The following PSORS1C1 variants were observed in gnomAD, a reference collection of about 807,000 sequenced individuals.
The protein encoded by PSORS1C1 is psoriasis susceptibility 1 candidate gene 1 protein.
PSORS1C1 carries 7 observed loss-of-function variants against 9.4 expected under a neutral mutation model. The ratio of observed to expected loss-of-function variants is 0.75; its 90% confidence interval spans 0.42 to 1.40. PSORS1C1 has a LOEUF of 1.40. Ranked by LOEUF, PSORS1C1 falls within the 40% of genes most tolerant of loss-of-function variation. The pLI, the probability that PSORS1C1 is intolerant of heterozygous loss-of-function variation, is 0.01. For missense variants in PSORS1C1, 146 were observed against 178.1 expected, an observed-to-expected ratio of 0.82 and a Z score of 1.02; for synonymous variants, 63 against 69.4, an observed-to-expected ratio of 0.91 and a Z score of 0.46.
intron 3 of PSORS1C1, 56 bp from the exon 4 acceptor site, chr6:31,138,374 G>T: frequency 9.5e-7 from 1 of 1,047,232 alleles, no homozygotes; most frequent in Non-Finnish European, 1.4e-6. Flanking sequence ...CCCAGCCCCA[G>T]CCCCAGGAGG....
At chr6:31,119,656 T>C (rs1404469817) in intron 1 of PSORS1C1, among the ~76,000 whole-genome samples, 5 of 152,160 alleles carry the variant, frequency 3.3e-5, no homozygotes, top group Non-Finnish European at 5.9e-5. Context: ...CCCAGCACCT[T>C]GGGAGGCTGA....
intron 1 of PSORS1C1, among the ~76,000 whole-genome samples, chr6:31,122,581 G>A (rs1772510384): frequency 6.6e-6 from 1 of 152,000 alleles, no homozygotes; most frequent in Non-Finnish European, 1.5e-5. Context: ...TTCGAGATCA[G>A]CCTGGCCAAC....
At chr6:31,133,030 T>G (rs1049454191) in intron 3 of PSORS1C1, among the ~76,000 whole-genome samples, 1 of 151,498 alleles carries the variant, frequency 6.6e-6, no homozygotes, top group Non-Finnish European at 1.5e-5. Context: ...TGGTGGCATG[T>G]GAGGATGTGG....
intron 1 of PSORS1C1, chr6:31,120,424 G>C (rs767309535): frequency 6.3e-7 from 1 of 1,576,824 alleles, no homozygotes; most frequent in African/African-American, 1.4e-5. Flanking sequence ...GCCCATCTCG[G>C]ACTGCACGGC....
At position 31,140,037 on chromosome 6, in the gene PSORS1C1, C is replaced by T; in HGVS notation, c.*105C>T. ...GTCCAAAATAAAATTTGATTCCTCC[C>T]AGGTTGTTCCCTGCCTGGTCCGCTA... On this transcript the variant is annotated 3_prime_UTR_variant, in exon 6 of 6. Coordinates refer to ENST00000259881, the MANE Select transcript of PSORS1C1 (RefSeq NM_014068.3). The surrounding 1 kb of genome is among the most constrained non-coding windows in gnomAD (Gnocchi z 4.6). The T allele has an allele frequency of 8.9e-7, 1 of 1,121,892 alleles. No individual in the cohort carries two copies. The highest frequency in any genetic ancestry group is 1.3e-6 in the Non-Finnish European group (1 of 769,240). 69.5% of individuals were successfully genotyped at this position (1,121,892 alleles called of 1,614,324 possible). A position where few individuals can be genotyped will look rare whatever the true frequency, so the allele number is the denominator to read the frequency against.
At position 31,115,982 on chromosome 6, in the gene PSORS1C1, C is replaced by T. The variant is rs1772086604; in HGVS notation, c.-229+1091C>T. ...TCCCATATGGGATATAGTGTATGTG[C>T]TTGTTTGTGCCCAAGGCATGCACAC... On this transcript the variant is annotated intron_variant, in intron 1 of 5. Coordinates refer to ENST00000259881, the MANE Select transcript of PSORS1C1 (RefSeq NM_014068.3). This position sits in a 1 kb window ranked among gnomAD's most constrained non-coding sequence, Gnocchi z 4.2. 3 of 1,553,418 alleles carry T rather than the reference C, an allele frequency of 1.9e-6. No homozygotes were observed. The highest frequency in any genetic ancestry group is 2.7e-6 in the Non-Finnish European group (3 of 1,128,496).
chr6:31,137,811 G>A, intron 3 of PSORS1C1: 2 of 444,706 alleles, frequency 4.5e-6, no homozygotes, highest in Admixed American at 3.9e-5. Flanking sequence ...ACCACCTTAC[G>A]GGTTCAGAAT....
Position 31,119,552 on chromosome 6 carries a change from C to T in PSORS1C1, c.-229+4661C>T, listed in dbSNP as rs545370983. 2.4e-4 allele frequency among the ~76,000 whole-genome samples: 36 copies of T among 152,306 alleles called. No individual in the cohort carries two copies. In the South Asian group the frequency reaches 5.6e-3, roughly 24 times the overall value. On this transcript the variant is annotated intron_variant, in intron 1 of 5. Coordinates refer to ENST00000259881, the MANE Select transcript of PSORS1C1 (RefSeq NM_014068.3). ...CTTCTCTGAGCCTCAGTGTCCTCAT[C>T]TGTAGAGTGGAAATAGCAAATCTCC...
intron 1 of PSORS1C1, among the ~76,000 whole-genome samples, chr6:31,124,838 G>A (rs1772610341): frequency 6.6e-6 from 1 of 152,172 alleles, no homozygotes; most frequent in African/African-American, 2.4e-5. Flanking sequence ...TGCGGGGGCA[G>A]GCACCTGTAA....
chr6:31,131,317 G>A (rs562644344), intron 3 of PSORS1C1, among the ~76,000 whole-genome samples: 13 of 152,232 alleles, frequency 8.5e-5, no homozygotes, highest in Non-Finnish European at 1.5e-4. Flanking sequence ...GGATGGGCCA[G>A]GCGCGGTGGC....
chr6:31,120,502 G>T, intron 1 of PSORS1C1: 1 of 1,220,008 alleles, frequency 8.2e-7, no homozygotes, highest in Non-Finnish European at 1.2e-6. Context: ...CCCTGGGCAG[G>T]AGTCACTGTG....
Position 31,117,087 on chromosome 6 carries a change from C to T in PSORS1C1, c.-229+2196C>T, listed in dbSNP as rs184872133. On this transcript the variant is annotated intron_variant, in intron 1 of 5. Transcript: ENST00000259881. ...CGCGGTAAGAGTTGTCATTGGTTGGCAGAGCAGAGCCATTCCCTACTTGGA... is the reference window on the plus strand; with the variant it reads ...CGCGGTAAGAGTTGTCATTGGTTGGTAGAGCAGAGCCATTCCCTACTTGGA... 2.9e-5 allele frequency: 47 copies of T among 1,614,184 alleles called. No individual in the cohort carries two copies. The East Asian group carries it at 1.0e-3, about 34-fold the overall frequency.
At chr6:31,138,917 C>T in intron 5 of PSORS1C1, 138 bp downstream of exon 5, 1 of 1,603,704 alleles carries the variant, frequency 6.2e-7, no homozygotes, top group East Asian at 2.2e-5. Context: ...CCTCCGCCAT[C>T]TTGAGTATCC....
intron 1 of PSORS1C1, chr6:31,117,623 C>T: frequency 9.2e-7 from 1 of 1,091,486 alleles, no homozygotes; most frequent in Non-Finnish European, 1.4e-6. Context: ...TCTCGGGTTT[C>T]TCCCAAGCAG....
At chr6:31,130,693 G>A (rs550301666) in intron 3 of PSORS1C1, among the ~76,000 whole-genome samples, 55 of 152,176 alleles carry the variant, frequency 3.6e-4, no homozygotes, top group African/African-American at 1.2e-3. Flanking sequence ...GAGCCACTGC[G>A]CCTGGCAACC....
intron 1 of PSORS1C1, among the ~76,000 whole-genome samples, chr6:31,120,056 C>T (rs1419940354): frequency 1.3e-5 from 2 of 152,106 alleles, no homozygotes; most frequent in Non-Finnish European, 2.9e-5. Flanking sequence ...ATCACCACCA[C>T]CATTTATATA....
Position 31,128,399 on chromosome 6 carries a change from G to T in PSORS1C1, c.-64-1170G>T, listed in dbSNP as rs1454917070. Among the ~76,000 whole-genome samples, 2 of 152,180 alleles carry T rather than the reference G, an allele frequency of 1.3e-5. No homozygotes were observed. Among genetic ancestry groups the T allele is most frequent in the Non-Finnish European group, 2.9e-5 (2 of 68,042 alleles). On this transcript the variant is annotated intron_variant, in intron 2 of 5. Coordinates refer to ENST00000259881, the MANE Select transcript of PSORS1C1 (RefSeq NM_014068.3). This position sits in a 1 kb window ranked among gnomAD's most constrained non-coding sequence, Gnocchi z 4.3. The stretch of plus-strand genomic sequence containing the variant: ...AATCCCCCTAAAGTCCCATCCCAAG[G>T]TCACATAGAGAACGAATGGCTAAGT...
At position 31,116,250 on chromosome 6, in the gene PSORS1C1, AG is replaced by A. The variant is rs1772107812; in HGVS notation, c.-229+1360del. On this transcript the variant is annotated intron_variant, in intron 1 of 5. Transcript: ENST00000259881. Reference sequence around the variant, plus strand: ...AGGAGACAGACATGCAAGGGTGACCAGAAGAGCTGGACTTGCTGCCACAAGG... The same window carrying A: ...AGGAGACAGACATGCAAGGGTGACCAAAGAGCTGGACTTGCTGCCACAAGG... The A allele has an allele frequency of 6.2e-6, 10 of 1,613,958 alleles. No individual in the cohort carries two copies. The highest frequency in any genetic ancestry group is 8.5e-6 in the Non-Finnish European group (10 of 1,179,976).
Position 31,127,010 on chromosome 6 carries a change from C to A in PSORS1C1, c.-65+1171C>A, listed in dbSNP as rs181446876. ...GTGAGTGTGAGGGAAAAGAGCTCTC[C>A]TTGTCTGCTCATTATGTGCACCTGT... On this transcript the variant is annotated intron_variant, in intron 2 of 5. Coordinates refer to ENST00000259881, the MANE Select transcript of PSORS1C1 (RefSeq NM_014068.3). Among the ~76,000 whole-genome samples, 94 of 152,300 alleles carry A rather than the reference C, an allele frequency of 6.2e-4. No homozygotes were observed. In the East Asian group the frequency reaches 8.1e-3, roughly 13 times the overall value.
Sources: allele counts gnomAD v4.1 joint callset (sites outside exome capture counted in the v4.1 genomes callset), GRCh38; gene constraint gnomAD v4.1.1; non-coding constraint Gnocchi (gnomAD v3.1); transcripts MANE v1.5; gene names NCBI Gene and HGNC (gene_info 2026-07-23, HGNC 2026-07-21).